F11: variants seen among roughly 807,000 people sequenced by gnomAD.
The protein encoded by F11 is coagulation factor XI, also known as coagualtion factor XI.
In F11, 78 loss-of-function variants were observed where a neutral mutation model predicts 76.5. The observed-to-expected ratio is 1.02, with a 90% CI of 0.85 to 1.23. The LOEUF is 1.23. F11 is among the 50% of genes most tolerant of loss of function. The pLI, the probability that F11 is intolerant of heterozygous loss-of-function variation, is 0.00. For missense variants in F11, 742 were observed against 771.4 expected (o/e 0.96, Z 0.45); for synonymous variants, 278 against 276.3 (o/e 1.01, Z -0.06).
intron 2 of F11, among the ~76,000 whole-genome samples, chr4:186,269,513 T>A (rs989886613): frequency 6.6e-6 from 1 of 152,196 alleles, no homozygotes; most frequent in African/African-American, 2.4e-5. Context: ...ACAAATACTG[T>A]GGGATCTCAC....
chr4:186,278,562 G>A (rs931534049), intron 7 of F11, among the ~76,000 whole-genome samples: 1 of 152,152 alleles, frequency 6.6e-6, no homozygotes, highest in Non-Finnish European at 1.5e-5. Context: ...AATAAGATTT[G>A]CTGATAGGTT....
chr4:186,284,157 T>C lies in F11; in HGVS notation c.1201T>C (p.Trp401Arg), dbSNP rs281875262. ...GTASVRGEWP[W>R]QVTLHTTSPT... Reference sequence around the variant, plus strand: ...TGCGTCTGTTCGTGGTGAGTGGCCGTGGCAGGTGACCCTGCACACAACCTC... The same window carrying C: ...TGCGTCTGTTCGTGGTGAGTGGCCGCGGCAGGTGACCCTGCACACAACCTC... The change falls in exon 11 of 15, where the codon TGG becomes CGG. Residue 401 changes from tryptophan (W) to arginine (R), a missense_variant. By Grantham distance (101) the Trp-to-Arg change is moderately radical. Transcript: ENST00000403665. The C allele has an allele frequency of 6.2e-7, 1 of 1,614,244 alleles. No individual in the cohort carries two copies. The highest frequency in any genetic ancestry group is 2.2e-5 in the East Asian group (1 of 44,876).
chr4:186,280,309 C>T lies in F11; in HGVS notation c.952C>T (p.Gln318Ter). Residue 318 changes from glutamine to a stop codon, truncating the protein, a stop_gained, in exon 9 of 15, where the codon CAG becomes TAG. Transcript: ENST00000403665. LOFTEE classifies it high-confidence loss of function. The stretch of plus-strand genomic sequence containing the variant: ...TGCTGCAAAAAGTCACGAGGCCTGC[C>T]AGAAACTGTGCACCAATGCCGTCCG... ...IVAAKSHEACQKLCTNAVRCQ... is the reference protein window; with the variant it reads ...IVAAKSHEAC 6.2e-7 allele frequency: 1 copy of T among 1,614,186 alleles called. No homozygotes were observed. Among genetic ancestry groups the T allele is most frequent in the East Asian group, 2.2e-5 (1 of 44,890 alleles).
chr4:186,290,116 C>A (rs1190922876), downstream of F11, among the ~76,000 whole-genome samples: 1 of 152,102 alleles, frequency 6.6e-6, no homozygotes, highest in Non-Finnish European at 1.5e-5. Flanking sequence ...AAAATAATCA[C>A]ACAAAATATA....
Position 186,280,307 on chromosome 4 carries a change from G to T in F11, c.950G>T (p.Cys317Phe). Reference sequence around the variant, plus strand: ...GTTGCTGCAAAAAGTCACGAGGCCTGCCAGAAACTGTGCACCAATGCCGTC... The same window carrying T: ...GTTGCTGCAAAAAGTCACGAGGCCTTCCAGAAACTGTGCACCAATGCCGTC... ...DIVAAKSHEA[C>F]QKLCTNAVRC... Residue 317 changes from cysteine (C) to phenylalanine (F), a missense_variant, in exon 9 of 15, where the codon TGC (cysteine) becomes TTC (phenylalanine). Coordinates refer to ENST00000403665, the MANE Select transcript of F11 (RefSeq NM_000128.4). The T allele has an allele frequency of 1.2e-6, 2 of 1,614,162 alleles. No individual in the cohort carries two copies. The highest frequency in any genetic ancestry group is 1.7e-6 in the Non-Finnish European group (2 of 1,180,046).
rs1441037997 is a variant in F11, at chr4:186,289,431, A to G, written c.*817A>G. ...TGACTATGGGCTCCCAAAGAGCTAG[A>G]TCGTATATTTATTTGACAAAAATCA... On this transcript the variant is annotated 3_prime_UTR_variant, in exon 15 of 15. Coordinates refer to ENST00000403665, the MANE Select transcript of F11 (RefSeq NM_000128.4). Among the ~76,000 whole-genome samples, 1 of 152,218 alleles carries G rather than the reference A, an allele frequency of 6.6e-6. No individual in the cohort carries two copies. Among genetic ancestry groups the G allele is most frequent in the African/African-American group, 2.4e-5 (1 of 41,456 alleles).
chr4:186,277,868 C>T (rs1740498865), intron 7 of F11, among the ~76,000 whole-genome samples: 1 of 152,158 alleles, frequency 6.6e-6, no homozygotes, highest in African/African-American at 2.4e-5. Context: ...GGTGTGATCT[C>T]AGCCCACTGC....
intron 10 of F11, among the ~76,000 whole-genome samples, chr4:186,283,316 C>T (rs1237020685): frequency 1.3e-5 from 2 of 152,050 alleles, no homozygotes; most frequent in Non-Finnish European, 2.9e-5. Flanking sequence ...CATCTGTGTT[C>T]CATGGCTCCA....
At chr4:186,268,932 G>A (rs902835853) in intron 2 of F11, among the ~76,000 whole-genome samples, 4 of 152,196 alleles carry the variant, frequency 2.6e-5, no homozygotes, top group East Asian at 1.9e-4. Flanking sequence ...AGAAGAAATC[G>A]CAGAAATTAA....
At chr4:186,287,587 T>TTA (rs1741296304) in intron 13 of F11, 97 bp from the exon 14 acceptor site, 2 of 452,704 alleles carry the variant, frequency 4.4e-6, no homozygotes, top group Non-Finnish European at 6.5e-6. Context: ...CCGTCTCAAT[T>TTA]AAAAATATAT....
At chr4:186,280,155 G>T (rs1688892845) in intron 8 of F11, 34 bp downstream of exon 8, 2 of 1,611,654 alleles carry the variant, frequency 1.2e-6, no homozygotes, top group African/African-American at 1.3e-5. Context: ...GGCTGAGAGT[G>T]ACCAGCCCCG....
chr4:186,277,902 C>A (rs1740500986), intron 7 of F11, among the ~76,000 whole-genome samples: 1 of 152,190 alleles, frequency 6.6e-6, no homozygotes, highest in African/African-American at 2.4e-5. Flanking sequence ...TAGGCTCAAG[C>A]AATCCACCCG....
intron 3 of F11, among the ~76,000 whole-genome samples, chr4:186,272,306 CT>C (rs1275939709): frequency 1.3e-5 from 2 of 152,052 alleles, no homozygotes; most frequent in East Asian, 3.9e-4. Flanking sequence ...CACTTTACCC[CT>C]AAATACTTCA....
chr4:186,273,060 T>TA lies in F11; in HGVS notation c.219-4dup, dbSNP rs573796016. ...TTCCTATTCATTAATATGTATTTTT[T>TA]AAAAAAACAGGTTTACTTGTGTCCT... On this transcript the variant is annotated splice_polypyrimidine_tract_variant and intron_variant, in intron 3 of 14. Coordinates refer to ENST00000403665, the MANE Select transcript of F11 (RefSeq NM_000128.4). The TA allele has an allele frequency of 1.8e-5, 29 of 1,574,090 alleles. No homozygotes were observed. The highest frequency in any genetic ancestry group is 1.1e-4 in the East Asian group (5 of 44,340).
In F11 at chr4:186,274,202, G is replaced by C. The variant is rs1219071481; in HGVS notation, c.412G>C (p.Glu138Gln). Residue 138 changes from glutamate to glutamine, a missense_variant, in exon 5 of 15, where the codon GAA (glutamate) becomes CAA (glutamine). Glu to Gln is a conservative substitution (Grantham distance 29). Coordinates refer to ENST00000403665, the MANE Select transcript of F11 (RefSeq NM_000128.4). ...TGCCAAGAGTGCTCAAGAATGCCAAGAAAGATGCACGGATGACGTCCACTG... is the reference window on the plus strand; with the variant it reads ...TGCCAAGAGTGCTCAAGAATGCCAACAAAGATGCACGGATGACGTCCACTG... ...SVAKSAQECQ[E>Q]RCTDDVHCHF... 3.7e-6 allele frequency: 6 copies of C among 1,614,218 alleles called. No homozygotes were observed. Among genetic ancestry groups the C allele is most frequent in the Non-Finnish European group, 5.1e-6 (6 of 1,180,036 alleles).
At chr4:186,269,283 A>G (rs1308369458) in intron 2 of F11, among the ~76,000 whole-genome samples, 1 of 152,220 alleles carries the variant, frequency 6.6e-6, no homozygotes, top group East Asian at 1.9e-4. Flanking sequence ...AGGAACTCAC[A>G]CAGATATACT....
intron 4 of F11, 23 bp from the exon 5 acceptor site, chr4:186,274,093 A>G: frequency 2.5e-6 from 4 of 1,614,140 alleles, no homozygotes; most frequent in Non-Finnish European, 3.4e-6. Context: ...GAAGGTACTC[A>G]TGTCTTCTGC....
At position 186,284,109 on chromosome 4, in the gene F11, A is replaced by C; in HGVS notation, c.1153A>C (p.Lys385Gln). The change falls in exon 11 of 15, where the codon AAG becomes CAG. Residue 385 changes from lysine (K) to glutamine (Q), a missense_variant. Transcript: ENST00000403665. ...KMDNECTTKIKPRIVGGTASV... is the reference protein window; with the variant it reads ...KMDNECTTKIQPRIVGGTASV... ...TGTTGCAGAGTGTACCACCAAAATC[A>C]AGCCCAGGATCGTTGGAGGAACTGC... is the stretch of plus-strand genomic sequence containing the variant. 2 of 1,614,202 alleles carry C rather than the reference A, an allele frequency of 1.2e-6. No individual in the cohort carries two copies. The highest frequency in any genetic ancestry group is 2.2e-5 in the East Asian group (1 of 44,870).
At chr4:186,282,970 G>A (rs371745567) in intron 10 of F11, 6 of 985,320 alleles carry the variant, frequency 6.1e-6, no homozygotes, top group South Asian at 4.7e-5. Context: ...TCTAGGACCC[G>A]GCTTCTCATC....
Sources: allele counts gnomAD v4.1 joint callset (sites outside exome capture counted in the v4.1 genomes callset), GRCh38; gene constraint gnomAD v4.1.1; transcripts MANE v1.5; gene names NCBI Gene and HGNC (gene_info 2026-07-23, HGNC 2026-07-21).